Variants in SLC25A37 observed in about 807,000 individuals in gnomAD.
SLC25A37 encodes the protein mitoferrin-1.
In SLC25A37, 17 loss-of-function variants were observed where a neutral mutation model predicts 31.0. The observed-to-expected ratio is 0.55, with a 90% CI of 0.38 to 0.82. SLC25A37 has a LOEUF of 0.82. Ranked by LOEUF, SLC25A37 falls within the 40% of genes least tolerant of loss-of-function variation. The pLI, the probability that SLC25A37 is intolerant of heterozygous loss-of-function variation, is 0.00. For synonymous variants in SLC25A37, 222 were observed against 193.0 expected, an observed-to-expected ratio of 1.15 and a Z score of -1.24; for missense variants, 404 against 465.8, an observed-to-expected ratio of 0.87 and a Z score of 1.22.
chr8:23,564,519 A>AG, intron 1 of SLC25A37, among the ~76,000 whole-genome samples: 1 of 151,058 alleles, frequency 6.6e-6, no homozygotes, highest in East Asian at 1.9e-4. Context: ...GGTGGGAGGA[A>AG]GGAAAGGAGG....
Position 23,560,260 on chromosome 8 carries a change from C to T in SLC25A37, c.211-5848C>T, listed in dbSNP as rs184578095. Among the ~76,000 whole-genome samples, 54 of 152,170 alleles carry T rather than the reference C, an allele frequency of 3.5e-4. 1 individual carries two copies. In the Middle Eastern group the frequency reaches 0.01, roughly 29 times the overall value. ...TCTAGCCTAGGTGATAGGTGAGACCCTGTCTTAAAAAAATAAAAATAAAAA... is the reference window on the plus strand; with the variant it reads ...TCTAGCCTAGGTGATAGGTGAGACCTTGTCTTAAAAAAATAAAAATAAAAA... On this transcript the variant is annotated intron_variant, in intron 1 of 3. Coordinates refer to ENST00000519973, the MANE Select transcript of SLC25A37 (RefSeq NM_016612.4).
chr8:23,568,457 G>C (rs1274017046), intron 3 of SLC25A37, 79 bp downstream of exon 3: 27 of 1,539,962 alleles, frequency 1.8e-5, no homozygotes, highest in Non-Finnish European at 2.2e-5. Context: ...AGAGTGGAGA[G>C]GACTGAAGGT....
chr8:23,537,427 C>T (rs13266950), intron 1 of SLC25A37, among the ~76,000 whole-genome samples: 18,654 of 152,212 alleles, frequency 0.12, 1,526 homozygotes, highest in Admixed American at 0.22. Flanking sequence ...CTCTTCTGTT[C>T]ACCACTGTAT....
Position 23,542,377 on chromosome 8 carries a change from C to CT in SLC25A37, c.210+13183dup, listed in dbSNP as rs59713954. On this transcript the variant is annotated intron_variant, in intron 1 of 3. Transcript: ENST00000519973. ...GTCATTACTTTAGAGTGTACTCCTA[C>CT]TTTTTTTTTTTTTTTTTTGAGATGG... is the stretch of plus-strand genomic sequence containing the variant. 6.7e-3 allele frequency among the ~76,000 whole-genome samples: 796 copies of CT among 118,094 alleles called. 16 individuals carry two copies. The highest frequency in any genetic ancestry group is 7.3e-3 in the Admixed American group (75 of 10,230). The allele number at this position is 118,094 out of a possible 152,430, so 77.5% of individuals were successfully genotyped here. A position where few individuals can be genotyped will look rare whatever the true frequency, so the allele number is the denominator to read the frequency against.
chr8:23,547,688 G>T (rs560862790), intron 1 of SLC25A37, among the ~76,000 whole-genome samples: 1 of 152,176 alleles, frequency 6.6e-6, no homozygotes, highest in Non-Finnish European at 1.5e-5. Context: ...GTGGTGGGAA[G>T]GACCAGCGGC....
Position 23,572,740 on chromosome 8 carries a change from GC to G in SLC25A37, c.*886del. ...ATTTTCTCTTGCTGTGTACACACAC[GC>G]ACACATGCTGGGTGGCAGGATCTCG... On this transcript the variant is annotated 3_prime_UTR_variant, in exon 4 of 4. Transcript: ENST00000519973. The G allele has an allele frequency of 6.6e-6, 1 of 152,002 alleles. No individual in the cohort carries two copies. Among genetic ancestry groups the G allele is most frequent in the South Asian group, 2.1e-4 (1 of 4,820 alleles). 9.4% of individuals were successfully genotyped at this position (152,002 alleles called of 1,614,324 possible).
intron 1 of SLC25A37, among the ~76,000 whole-genome samples, chr8:23,537,283 T>G (rs1801789802): frequency 6.6e-6 from 1 of 152,196 alleles, no homozygotes; most frequent in Admixed American, 6.5e-5. Context: ...CCCCAGCAGT[T>G]GTTACTTCGT....
rs1162450042 is a variant in SLC25A37 at position 23,571,434 on chromosome 8, G to A, written c.596G>A (p.Arg199Gln). 2.5e-5 allele frequency: 40 copies of A among 1,613,874 alleles called. No homozygotes were observed. Among genetic ancestry groups the A allele is most frequent in the Non-Finnish European group, 2.8e-5 (33 of 1,179,870 alleles). ...WRTEGLGAFYRSYTTQLTMNI... is the reference protein window; with the variant it reads ...WRTEGLGAFYQSYTTQLTMNI... ...ACCGAGGGGTTGGGGGCCTTCTACC[G>A]GAGCTACACCACGCAGCTGACCATG... Residue 199 changes from arginine (R) to glutamine (Q), a missense_variant, in exon 4 of 4, where the codon CGG (arginine) becomes CAG (glutamine). Arg to Gln is a conservative substitution (Grantham distance 43). Transcript: ENST00000519973.
rs369957140 is a variant in SLC25A37 at position 23,566,350 on chromosome 8, G to C, written c.439+14G>C. On this transcript the variant is annotated intron_variant, in intron 2 of 3. Transcript: ENST00000519973. ...ACCTAGCCAACGGTATTTTGAAAGC[G>C]TTTGTCTGGAGTTAGAAAGTTCTCT... 6.3e-7 allele frequency: 1 copy of C among 1,597,792 alleles called. No homozygotes were observed. Among genetic ancestry groups the C allele is most frequent in the Non-Finnish European group, 8.5e-7 (1 of 1,175,070 alleles).
In SLC25A37 at chr8:23,529,495, C is replaced by T. The variant is rs1323537416; in HGVS notation, c.210+283C>T. Among the ~76,000 whole-genome samples, 1 of 151,932 alleles carries T rather than the reference C, an allele frequency of 6.6e-6. No individual in the cohort carries two copies. Among genetic ancestry groups the T allele is most frequent in the African/African-American group, 2.4e-5 (1 of 41,406 alleles). ...CGCTGAGGCGGGGGAGGCGGAGTGG[C>T]GAGCACCGCTGGCTTCGGCGGCGAC... On this transcript the variant is annotated intron_variant, in intron 1 of 3. Coordinates refer to ENST00000519973, the MANE Select transcript of SLC25A37 (RefSeq NM_016612.4). The surrounding 1 kb of genome is among the most constrained non-coding windows in gnomAD (Gnocchi z 4.1).
At chr8:23,563,904 G>A (rs933369512) in intron 1 of SLC25A37, among the ~76,000 whole-genome samples, 12 of 152,026 alleles carry the variant, frequency 7.9e-5, no homozygotes, top group Non-Finnish European at 1.5e-4. Flanking sequence ...TCGCTTGAAC[G>A]TGGCAGGCGG....
At position 23,573,905 on chromosome 8, in the gene SLC25A37, T is replaced by C; in HGVS notation, c.*2050T>C. ...GTAAAGTCCACGCTACTGTTGAAAA[T>C]GTTTACATCTCCGCTCTCAACCTGC... is the stretch of plus-strand genomic sequence containing the variant. On this transcript the variant is annotated 3_prime_UTR_variant, in exon 4 of 4. Transcript: ENST00000519973. 2.2e-6 allele frequency: 1 copy of C among 454,432 alleles called. No individual in the cohort carries two copies. Among genetic ancestry groups the C allele is most frequent in the African/African-American group, 2.0e-5 (1 of 50,164 alleles). The allele number at this position is 454,432 out of a possible 1,614,324, so 28.1% of individuals were successfully genotyped here. A position where few individuals can be genotyped will look rare whatever the true frequency, so the allele number is the denominator to read the frequency against.
intron 1 of SLC25A37, among the ~76,000 whole-genome samples, chr8:23,554,532 T>G (rs1316928116): frequency 6.6e-6 from 1 of 152,226 alleles, no homozygotes; most frequent in African/African-American, 2.4e-5. Context: ...GATAACTTAA[T>G]CCTTTTTGGT....
chr8:23,571,874 CTT>C lies in SLC25A37; in HGVS notation c.*22_*23del, dbSNP rs1432860089. On this transcript the variant is annotated 3_prime_UTR_variant, in exon 4 of 4. Coordinates refer to ENST00000519973, the MANE Select transcript of SLC25A37 (RefSeq NM_016612.4). ...ATACTAAAGGAAGGGATCATAGAAT[CTT>C]TTCTTAAAGTCATTCTCTGCCTGCA... is the stretch of plus-strand genomic sequence containing the variant. 1.2e-6 allele frequency: 2 copies of C among 1,601,422 alleles called. No homozygotes were observed. The highest frequency in any genetic ancestry group is 8.5e-7 in the Non-Finnish European group (1 of 1,170,812).
intron 1 of SLC25A37, among the ~76,000 whole-genome samples, chr8:23,563,867 G>C (rs1010970454): frequency 1.3e-5 from 2 of 152,150 alleles, no homozygotes; most frequent in Non-Finnish European, 2.9e-5. Flanking sequence ...TGTAATCCCA[G>C]CTACTCAGGA....
At chr8:23,530,756 C>A (rs1338047650) in intron 1 of SLC25A37, among the ~76,000 whole-genome samples, 1 of 152,204 alleles carries the variant, frequency 6.6e-6, no homozygotes, top group African/African-American at 2.4e-5. Context: ...AGGCCCTAGT[C>A]CTACTGGTGT....
intron 1 of SLC25A37, among the ~76,000 whole-genome samples, chr8:23,545,010 G>A: frequency 6.6e-6 from 1 of 152,204 alleles, no homozygotes; most frequent in African/African-American, 2.4e-5. Flanking sequence ...GCTCATCGTT[G>A]GCTCATAATA....
rs1231298131 is a variant in SLC25A37, at chr8:23,571,423, G to T, written c.585G>T (p.Gly195=). 4.3e-6 allele frequency: 7 copies of T among 1,613,790 alleles called. No homozygotes were observed. The highest frequency in any genetic ancestry group is 5.9e-6 in the Non-Finnish European group (7 of 1,179,874). Residue 195 remains glycine (G), a synonymous_variant, in exon 4 of 4, where the codon GGG becomes GGT. Coordinates refer to ENST00000519973, the MANE Select transcript of SLC25A37 (RefSeq NM_016612.4). ...IRTVWRTEGL[G]AFYRSYTTQL... is the part of the protein sequence containing the mutation. ...CGGTGTGGAGGACCGAGGGGTTGGGGGCCTTCTACCGGAGCTACACCACGC... is the reference window on the plus strand; with the variant it reads ...CGGTGTGGAGGACCGAGGGGTTGGGTGCCTTCTACCGGAGCTACACCACGC...
intron 1 of SLC25A37, among the ~76,000 whole-genome samples, chr8:23,562,590 C>G (rs576603790): frequency 1.3e-5 from 2 of 152,200 alleles, no homozygotes; most frequent in Non-Finnish European, 1.5e-5. Flanking sequence ...GTGGCCTGCA[C>G]AACCCTGGAA....
Sources: gnomAD v4.1 joint callset for allele counts (sites outside exome capture counted in the v4.1 genomes callset) on GRCh38, gnomAD v4.1.1 for gene constraint, Gnocchi (gnomAD v3.1) non-coding constraint, MANE v1.5 for transcripts, NCBI Gene and HGNC (gene_info 2026-07-23, HGNC 2026-07-21) for gene names.